Variants in HNRNPD observed in about 807,000 individuals in gnomAD.
The protein encoded by HNRNPD is heterogeneous nuclear ribonucleoprotein D0.
HNRNPD carries 3 observed loss-of-function variants against 47.9 expected under a neutral mutation model. The ratio of observed to expected loss-of-function variants is 0.06; its 90% confidence interval spans 0.03 to 0.16. The LOEUF (loss-of-function observed/expected upper bound fraction) is 0.16. HNRNPD is among the 10% of genes least tolerant of loss of function. The pLI is 1.00. For synonymous variants in HNRNPD, 171 were observed against 165.1 expected (o/e 1.04, Z -0.28); for missense variants, 287 against 454.2 (o/e 0.63, Z 3.35).
In HNRNPD at chr4:82,352,871, G is replaced by GT. The variant is rs546149664; in HGVS notation, c.*1313dup. ...GGAGGTCAAATTCTTAGCATCAGAT[G>GT]TAACTCCACAAAAGTAAGAAAGGTA... On this transcript the variant is annotated 3_prime_UTR_variant, in exon 9 of 9. Transcript: ENST00000313899. 410 of 152,282 alleles carry GT rather than the reference G, an allele frequency of 2.7e-3. 1 individual carries two copies. Among genetic ancestry groups the GT allele is most frequent in the African/African-American group, 9.1e-3 (377 of 41,546 alleles). The allele number at this position is 152,282 out of a possible 1,614,324, so 9.4% of individuals were successfully genotyped here. A position where few individuals can be genotyped will look rare whatever the true frequency, so the allele number is the denominator to read the frequency against.
chr4:82,370,425 T>C (rs113439076), intron 2 of HNRNPD, among the ~76,000 whole-genome samples: 8 of 152,238 alleles, frequency 5.3e-5, no homozygotes, highest in African/African-American at 1.9e-4. Flanking sequence ...GTTTATAGTT[T>C]AATCTTAATT....
intron 3 of HNRNPD, among the ~76,000 whole-genome samples, chr4:82,359,140 A>G (rs1723853322): frequency 6.6e-6 from 1 of 152,204 alleles, no homozygotes; most frequent in South Asian, 2.1e-4. Flanking sequence ...CCCAGGATCA[A>G]AATAATGATT....
At position 82,353,128 on chromosome 4, in the gene HNRNPD, T is replaced by C. The variant is rs1327107727; in HGVS notation, c.*1057A>G. On this transcript the variant is annotated 3_prime_UTR_variant, in exon 9 of 9. Coordinates refer to ENST00000313899, the MANE Select transcript of HNRNPD (RefSeq NM_031370.3). Reference sequence around the variant, plus strand: ...CAGAACTCAAGAAGCTTCCAACAAATGACAGGAAAAACAATTCTGACTTAA... The same window carrying C: ...CAGAACTCAAGAAGCTTCCAACAAACGACAGGAAAAACAATTCTGACTTAA... 6.6e-6 allele frequency: 1 copy of C among 152,128 alleles called. No individual in the cohort carries two copies. The highest frequency in any genetic ancestry group is 1.5e-5 in the Non-Finnish European group (1 of 68,014). 9.4% of individuals were successfully genotyped at this position (152,128 alleles called of 1,614,324 possible).
At chr4:82,358,928 T>G (rs1357507132) in intron 3 of HNRNPD, 108 bp from the exon 4 acceptor site, 3 of 815,300 alleles carry the variant, frequency 3.7e-6, no homozygotes, top group Non-Finnish European at 5.7e-6. Context: ...CAAGCATATG[T>G]TGACTTGCTC....
intron 2 of HNRNPD, 152 bp downstream of exon 2, chr4:82,371,376 T>C (rs773670535): frequency 1.9e-6 from 1 of 514,472 alleles, no homozygotes. Flanking sequence ...ACATGATGCC[T>C]ATAAAAGGTA....
chr4:82,356,141 A>C (rs1723703008), intron 7 of HNRNPD: 2 of 159,782 alleles, frequency 1.3e-5, no homozygotes, highest in African/African-American at 4.8e-5. Flanking sequence ...AATAATCCTA[A>C]AGCGAGGATA....
chr4:82,355,250 GATTATA>G, intron 8 of HNRNPD, 48 bp downstream of exon 8: 1 of 946,336 alleles, frequency 1.1e-6, no homozygotes, highest in Non-Finnish European at 1.7e-6. Context: ...GAACAATATA[GATTATA>G]AAAACTACTA....
chr4:82,366,538 C>G (rs1247995725), intron 2 of HNRNPD, among the ~76,000 whole-genome samples: 1 of 152,026 alleles, frequency 6.6e-6, no homozygotes, highest in East Asian at 1.9e-4. Flanking sequence ...GCCACCGCGC[C>G]CGGCCAACAT....
Position 82,373,988 on chromosome 4 carries a change from C to A in HNRNPD, c.-310G>T. On this transcript the variant is annotated 5_prime_UTR_variant, in exon 1 of 9. Coordinates refer to ENST00000313899, the MANE Select transcript of HNRNPD (RefSeq NM_031370.3). The stretch of plus-strand genomic sequence containing the variant: ...GCCGCCGCGGACCACCTAAAATGGC[C>A]GACGGAAGAACGGCGCGTCCCGGTC... 1 of 589,276 alleles carries A rather than the reference C, an allele frequency of 1.7e-6. No homozygotes were observed. Among genetic ancestry groups the A allele is most frequent in the South Asian group, 2.4e-5 (1 of 41,276 alleles). The allele number at this position is 589,276 out of a possible 1,614,324, so 36.5% of individuals were successfully genotyped here. A position where few individuals can be genotyped will look rare whatever the true frequency, so the allele number is the denominator to read the frequency against.
intron 2 of HNRNPD, among the ~76,000 whole-genome samples, chr4:82,362,073 A>AT (rs1031669629): frequency 2.0e-5 from 3 of 152,128 alleles, no homozygotes; most frequent in African/African-American, 7.2e-5. Context: ...TTGAAATGAG[A>AT]TTTTTTTCTA....
chr4:82,361,074 C>T (rs1215127576), intron 2 of HNRNPD, among the ~76,000 whole-genome samples: 1 of 152,134 alleles, frequency 6.6e-6, no homozygotes, highest in East Asian at 1.9e-4. Flanking sequence ...ACAACTTTGG[C>T]ATTTTATAAT....
intron 2 of HNRNPD, among the ~76,000 whole-genome samples, chr4:82,363,032 A>ATGTGTGTGTGTGTGTG (rs71666730): frequency 6.7e-6 from 1 of 148,930 alleles, no homozygotes; most frequent in Non-Finnish European, 1.5e-5. Context: ...TTATATATAT[A>ATGTGTGTGTGTGTGTG]TGTGTGTGTG....
At chr4:82,366,244 G>C (rs964702252) in intron 2 of HNRNPD, among the ~76,000 whole-genome samples, 2 of 152,070 alleles carry the variant, frequency 1.3e-5, no homozygotes, top group African/African-American at 4.8e-5. Context: ...AATGAAACAT[G>C]ACAGTTTTTT....
intron 3 of HNRNPD, 38 bp downstream of exon 3, chr4:82,359,433 T>C: frequency 7.3e-7 from 1 of 1,373,754 alleles, no homozygotes; most frequent in Non-Finnish European, 9.7e-7. Flanking sequence ...ATGTTAATAT[T>C]TTATATTATT....
At chr4:82,357,235 C>T in intron 5 of HNRNPD, 78 bp downstream of exon 5, 4 of 1,448,726 alleles carry the variant, frequency 2.8e-6, no homozygotes, top group Non-Finnish European at 3.7e-6. Context: ...AGAACTTAAG[C>T]CTTTACAGAG....
At chr4:82,366,534 G>A (rs985612868) in intron 2 of HNRNPD, among the ~76,000 whole-genome samples, 7 of 151,278 alleles carry the variant, frequency 4.6e-5, no homozygotes, top group African/African-American at 9.7e-5. Context: ...ATAAGCCACC[G>A]CGCCCGGCCA....
At chr4:82,366,337 G>C (rs913214238) in intron 2 of HNRNPD, among the ~76,000 whole-genome samples, 2 of 152,232 alleles carry the variant, frequency 1.3e-5, no homozygotes, top group Non-Finnish European at 2.9e-5. Context: ...TCTGCTTCCC[G>C]GGTTCAAGCT....
chr4:82,373,397 G>C, intron 1 of HNRNPD, 49 bp downstream of exon 1: 2 of 1,523,116 alleles, frequency 1.3e-6, no homozygotes, highest in Non-Finnish European at 8.8e-7. Context: ...AATAAAGAGG[G>C]GGAGGGGGAC....
At chr4:82,373,384 G>C in intron 1 of HNRNPD, 62 bp downstream of exon 1, 4 of 1,515,188 alleles carry the variant, frequency 2.6e-6, no homozygotes, top group South Asian at 1.3e-5. Flanking sequence ...CTAATGGCGG[G>C]GGAATAAAGA....
Sources: allele counts gnomAD v4.1 joint callset (sites outside exome capture counted in the v4.1 genomes callset), GRCh38; gene constraint gnomAD v4.1.1; transcripts MANE v1.5; gene names NCBI Gene and HGNC (gene_info 2026-07-23, HGNC 2026-07-21).